Variants in LPCAT1 observed in about 807,000 individuals in gnomAD.
LPCAT1 encodes 1-acylglycerol-3-phosphate O-acyltransferase.
Under a neutral mutation model 60.9 loss-of-function variants are expected in LPCAT1, and 23 were observed. The ratio of observed to expected loss-of-function variants is 0.38; its 90% CI spans 0.27 to 0.53. The LOEUF is 0.53. Ranked by LOEUF, LPCAT1 falls within the 20% of genes least tolerant of loss-of-function variation. LPCAT1 has a pLI of 0.82. For missense variants in LPCAT1, 622 were observed against 723.6 expected (o/e 0.86, Z 1.61); for synonymous variants, 340 against 301.1 (o/e 1.13, Z -1.34).
rs182162514 is a variant in LPCAT1 at position 1,476,519 on chromosome 5, C to T, written c.899+885G>A. Among the ~76,000 whole-genome samples, 142 of 152,240 alleles carry T rather than the reference C, an allele frequency of 9.3e-4. 1 individual carries two copies. Among genetic ancestry groups the T allele is most frequent in the African/African-American group, 3.3e-3 (138 of 41,538 alleles). On this transcript the variant is annotated intron_variant, in intron 9 of 13. Transcript: ENST00000283415. This position sits in a 1 kb window ranked among gnomAD's most constrained non-coding sequence, Gnocchi z 8.6. ...GGCCGTGGCTGTGTTCCCCTCTGGG[C>T]TCTCTGGAGAGGCGAGTTCCCAGCC...
At chr5:1,485,291 C>T (rs1735328535) in intron 5 of LPCAT1, among the ~76,000 whole-genome samples, 1 of 152,174 alleles carries the variant, frequency 6.6e-6, no homozygotes, top group Non-Finnish European at 1.5e-5. Flanking sequence ...GTGGGAAAGT[C>T]TGCAGGGGTC....
intron 3 of LPCAT1, among the ~76,000 whole-genome samples, chr5:1,491,931 C>T (rs1735597941): frequency 6.6e-6 from 1 of 152,182 alleles, no homozygotes; most frequent in Non-Finnish European, 1.5e-5. Context: ...TCAAAGGGTC[C>T]ACGAAAGGAA....
chr5:1,510,226 C>A (rs113281463), intron 1 of LPCAT1, among the ~76,000 whole-genome samples: 2 of 152,320 alleles, frequency 1.3e-5, no homozygotes, highest in East Asian at 3.9e-4. Flanking sequence ...CCCTCTCCCC[C>A]ACAGCCCGTG....
At position 1,495,479 on chromosome 5, in the gene LPCAT1, A is replaced by G. The variant is rs751106525; in HGVS notation, c.279-565T>C. On this transcript the variant is annotated intron_variant, in intron 2 of 13. Transcript: ENST00000283415. The surrounding 1 kb of genome is among the most constrained non-coding windows in gnomAD (Gnocchi z 4.7). Reference sequence around the variant, plus strand: ...TCTGGAGGAAATTAGATGGCCAATAAATTTGGAAAATAAAGTAAAAATCAG... The same window carrying G: ...TCTGGAGGAAATTAGATGGCCAATAGATTTGGAAAATAAAGTAAAAATCAG... Among the ~76,000 whole-genome samples the G allele has an allele frequency of 6.6e-6, 1 of 152,092 alleles. No individual in the cohort carries two copies. The highest frequency in any genetic ancestry group is 1.5e-5 in the Non-Finnish European group (1 of 68,014).
chr5:1,487,510 G>A lies in LPCAT1; in HGVS notation c.667+881C>T, dbSNP rs1157791697. 6.6e-6 allele frequency among the ~76,000 whole-genome samples: 1 copy of A among 152,168 alleles called. No homozygotes were observed. Among genetic ancestry groups the A allele is most frequent in the Non-Finnish European group, 1.5e-5 (1 of 68,022 alleles). ...TCTGAGCTGGAGGAGGATGGCCACA[G>A]GCTCGGAAACCCCGGCGGCACACGT... On this transcript the variant is annotated intron_variant, in intron 5 of 13. Coordinates refer to ENST00000283415, the MANE Select transcript of LPCAT1 (RefSeq NM_024830.5). This position sits in a 1 kb window ranked among gnomAD's most constrained non-coding sequence, Gnocchi z 6.1.
At chr5:1,482,592 GT>G (rs530015955) in intron 6 of LPCAT1, among the ~76,000 whole-genome samples, 4 of 45,446 alleles carry the variant, frequency 8.8e-5, no homozygotes, top group Non-Finnish European at 1.5e-4. Context: ...GCAGGGTGGG[GT>G]GGGGTAGGGT....
intron 3 of LPCAT1, among the ~76,000 whole-genome samples, chr5:1,492,942 C>A (rs1318688297): frequency 2.6e-5 from 4 of 152,234 alleles, no homozygotes; most frequent in Non-Finnish European, 5.9e-5. Context: ...GACGAACGAC[C>A]ATGGGCCTTT....
Position 1,477,453 on chromosome 5 carries a change from T to TCTC in LPCAT1, c.847_849dup (p.Glu283dup). The TCTC allele has an allele frequency of 6.2e-7, 1 of 1,613,932 alleles. No individual in the cohort carries two copies. Among genetic ancestry groups the TCTC allele is most frequent in the Non-Finnish European group, 8.5e-7 (1 of 1,179,926 alleles). On this transcript the variant is annotated inframe_insertion, in exon 9 of 14. Coordinates refer to ENST00000283415, the MANE Select transcript of LPCAT1 (RefSeq NM_024830.5). This position sits in a 1 kb window ranked among gnomAD's most constrained non-coding sequence, Gnocchi z 6.0. Reference sequence around the variant, plus strand: ...CTGGCATACAGCGCGGGGTTCCTCTTCTCCTCCTCAGAAGGGCTGTACACA... The same window carrying TCTC: ...CTGGCATACAGCGCGGGGTTCCTCTTCTCCTCCTCCTCAGAAGGGCTGTACACA...
chr5:1,483,305 G>A lies in LPCAT1; in HGVS notation c.726+123C>T. The A allele has an allele frequency of 2.7e-6, 3 of 1,095,284 alleles. No homozygotes were observed. Among genetic ancestry groups the A allele is most frequent in the East Asian group, 2.4e-5 (1 of 42,014 alleles). 67.8% of individuals were successfully genotyped at this position (1,095,284 alleles called of 1,614,324 possible). ...GGCCGGATGGACTCAGCATGGCCAA[G>A]TGTGGGCTGTGGCGCAGATAAAGGG... On this transcript the variant is annotated intron_variant, in intron 6 of 13. Coordinates refer to ENST00000283415, the MANE Select transcript of LPCAT1 (RefSeq NM_024830.5). This position sits in a 1 kb window ranked among gnomAD's most constrained non-coding sequence, Gnocchi z 9.2.
intron 1 of LPCAT1, among the ~76,000 whole-genome samples, chr5:1,503,460 G>A (rs1283000130): frequency 6.6e-6 from 1 of 152,250 alleles, no homozygotes; most frequent in Non-Finnish European, 1.5e-5. Context: ...CCCACTTGAA[G>A]CCACTAACAT....
Position 1,466,750 on chromosome 5 carries a change from G to A in LPCAT1, c.1419C>T (p.Phe473=), listed in dbSNP as rs148686721. The A allele has an allele frequency of 4.0e-5, 65 of 1,611,068 alleles. No individual in the cohort carries two copies. The highest frequency in any genetic ancestry group is 1.7e-4 in the Middle Eastern group (1 of 6,060). Residue 473 remains phenylalanine (F), a splice_region_variant and synonymous_variant, in exon 13 of 14, where the codon TTC becomes TTT. Coordinates refer to ENST00000283415, the MANE Select transcript of LPCAT1 (RefSeq NM_024830.5). ...IDQEEKGKIT[F]ADFHRFAEMY... Reference sequence around the variant, plus strand: ...ACGACCCCACTCCTGCGGGCTCACCGAATGTGATCTTCCCCTTCTCCTCTT... The same window carrying A: ...ACGACCCCACTCCTGCGGGCTCACCAAATGTGATCTTCCCCTTCTCCTCTT...
At chr5:1,501,423 C>G (rs147995856) in intron 2 of LPCAT1, 38 bp downstream of exon 2, 54 of 1,576,482 alleles carry the variant, frequency 3.4e-5, no homozygotes, top group Admixed American at 1.1e-4. Flanking sequence ...CCGCGTGACC[C>G]CCCCCCAGGA....
chr5:1,491,854 A>C (rs1735595559), intron 3 of LPCAT1, among the ~76,000 whole-genome samples: 1 of 152,270 alleles, frequency 6.6e-6, no homozygotes, highest in Non-Finnish European at 1.5e-5. Flanking sequence ...ATTGGTATTC[A>C]TACATCTAAA....
chr5:1,469,017 G>C (rs2126483287), intron 12 of LPCAT1, among the ~76,000 whole-genome samples: 1 of 152,396 alleles, frequency 6.6e-6, no homozygotes, highest in South Asian at 2.1e-4. Context: ...ATAGGCTGCA[G>C]AAAGGGACAT....
intron 1 of LPCAT1, among the ~76,000 whole-genome samples, chr5:1,517,998 G>C (rs922062971): frequency 6.6e-6 from 1 of 152,276 alleles, no homozygotes; most frequent in Non-Finnish European, 1.5e-5. Flanking sequence ...CAGAGAGGAA[G>C]CATTTGCAAA....
At chr5:1,479,223 C>T (rs1444496472) in intron 8 of LPCAT1, among the ~76,000 whole-genome samples, 1 of 152,108 alleles carries the variant, frequency 6.6e-6, no homozygotes, top group Non-Finnish European at 1.5e-5. Flanking sequence ...AAGTGAGACC[C>T]ATCTCTACAA....
rs192131704 is a variant in LPCAT1 at position 1,483,937 on chromosome 5, C to T, written c.668-451G>A. On this transcript the variant is annotated intron_variant, in intron 5 of 13. Transcript: ENST00000283415. This position sits in a 1 kb window ranked among gnomAD's most constrained non-coding sequence, Gnocchi z 9.2. Reference sequence around the variant, plus strand: ...AGGGACACTTTCTGCTGTAACATCGCGCACCAGCTGGAAGGCGTTGGTGGG... The same window carrying T: ...AGGGACACTTTCTGCTGTAACATCGTGCACCAGCTGGAAGGCGTTGGTGGG... Among the ~76,000 whole-genome samples, 246 of 152,246 alleles carry T rather than the reference C, an allele frequency of 1.6e-3. No individual in the cohort carries two copies. Among genetic ancestry groups the T allele is most frequent in the Middle Eastern group, 3.4e-3 (1 of 294 alleles).
chr5:1,509,253 G>A (rs543810547), intron 1 of LPCAT1, among the ~76,000 whole-genome samples: 18 of 152,382 alleles, frequency 1.2e-4, no homozygotes, highest in African/African-American at 3.6e-4. Flanking sequence ...CGGTTAGCGC[G>A]GTGGAGGCAG....
intron 2 of LPCAT1, among the ~76,000 whole-genome samples, chr5:1,500,344 A>G (rs2126585553): frequency 6.6e-6 from 1 of 152,414 alleles, no homozygotes; most frequent in Admixed American, 6.5e-5. Context: ...TTTCAGTGAA[A>G]GCACAGCTTT....
Sources: allele counts gnomAD v4.1 joint callset (sites outside exome capture counted in the v4.1 genomes callset), GRCh38; gene constraint gnomAD v4.1.1; non-coding constraint Gnocchi (gnomAD v3.1); transcripts MANE v1.5; gene names NCBI Gene and HGNC (gene_info 2026-07-23, HGNC 2026-07-21).